Variants in GULP1 observed in about 807,000 individuals in gnomAD.
The protein encoded by GULP1 is GULP PTB domain containing engulfment adaptor 1, also known as PTB domain-containing engulfment adapter protein 1.
Under a neutral mutation model 40.9 loss-of-function variants are expected in GULP1, and 19 were observed. The ratio of observed to expected loss-of-function variants is 0.46; its 90% CI spans 0.32 to 0.68. The LOEUF is 0.68. GULP1 is among the 30% of genes least tolerant of loss of function. GULP1 has a pLI of 0.03. For synonymous variants in GULP1, 119 were observed against 117.6 expected, an observed-to-expected ratio of 1.01 and a Z score of -0.08; for missense variants, 312 against 362.2, an observed-to-expected ratio of 0.86 and a Z score of 1.12.
chr2:188,395,900 A>T (rs980449264), intron 2 of GULP1, among the ~76,000 whole-genome samples: 5 of 152,124 alleles, frequency 3.3e-5, no homozygotes, highest in African/African-American at 1.2e-4. Context: ...AGATTTATTG[A>T]TTATAAATAG....
At chr2:188,349,916 A>T (rs564923893) in intron 1 of GULP1, among the ~76,000 whole-genome samples, 3 of 152,176 alleles carry the variant, frequency 2.0e-5, no homozygotes, top group Admixed American at 6.5e-5. Flanking sequence ...CAACTTCATT[A>T]TTTTACATCT....
At chr2:188,471,301 C>T (rs1175309273) in intron 2 of GULP1, among the ~76,000 whole-genome samples, 1 of 151,882 alleles carries the variant, frequency 6.6e-6, no homozygotes. Flanking sequence ...CCACCGCCCA[C>T]CCGCCCCACC....
intron 2 of GULP1, among the ~76,000 whole-genome samples, chr2:188,475,944 G>A (rs1037003760): frequency 2.0e-5 from 3 of 152,142 alleles, no homozygotes; most frequent in African/African-American, 7.2e-5. Flanking sequence ...GGTATAATAT[G>A]TGTGGGAGAT....
intron 1 of GULP1, among the ~76,000 whole-genome samples, chr2:188,343,830 G>A (rs1470768949): frequency 9.2e-5 from 14 of 151,884 alleles, no homozygotes; most frequent in Non-Finnish European, 1.2e-4. Flanking sequence ...ACAGAGTCTC[G>A]TTCTGTCACC....
At chr2:188,526,351 C>T (rs1686154833) in intron 5 of GULP1, among the ~76,000 whole-genome samples, 1 of 151,934 alleles carries the variant, frequency 6.6e-6, no homozygotes, top group African/African-American at 2.4e-5. Context: ...TCACTGTATC[C>T]ATCTAGATCT....
chr2:188,430,488 G>A (rs908735670), intron 2 of GULP1, among the ~76,000 whole-genome samples: 7 of 152,180 alleles, frequency 4.6e-5, no homozygotes, highest in Non-Finnish European at 8.8e-5. Flanking sequence ...CTATGTCATA[G>A]AGCCCTTAAG....
chr2:188,404,615 A>T (rs1486291010), intron 2 of GULP1, among the ~76,000 whole-genome samples: 1 of 152,206 alleles, frequency 6.6e-6, no homozygotes, highest in Non-Finnish European at 1.5e-5. Context: ...CCTCAGCCTC[A>T]GGCTTCAAGC....
intron 2 of GULP1, among the ~76,000 whole-genome samples, chr2:188,407,148 C>G (rs1261742022): frequency 6.6e-6 from 1 of 152,008 alleles, no homozygotes; most frequent in Non-Finnish European, 1.5e-5. Flanking sequence ...AATATTTTAC[C>G]TGGAAGAGCT....
intron 1 of GULP1, among the ~76,000 whole-genome samples, chr2:188,331,497 T>C (rs991442310): frequency 2.6e-5 from 4 of 152,238 alleles, no homozygotes; most frequent in South Asian, 4.1e-4. Context: ...TTAAGTTGAA[T>C]ATTCCAGAAC....
intron 4 of GULP1, among the ~76,000 whole-genome samples, chr2:188,486,521 A>G (rs1281429592): frequency 6.6e-6 from 1 of 151,994 alleles, no homozygotes; most frequent in Non-Finnish European, 1.5e-5. Flanking sequence ...GAAATATGTA[A>G]TAACATTTAT....
chr2:188,406,254 G>A (rs149294620), intron 2 of GULP1, among the ~76,000 whole-genome samples: 1 of 152,260 alleles, frequency 6.6e-6, no homozygotes, highest in African/African-American at 2.4e-5. Context: ...CTGACTATAT[G>A]CAGAATACTA....
intron 2 of GULP1, among the ~76,000 whole-genome samples, chr2:188,459,310 C>A (rs2059517459): frequency 6.6e-6 from 1 of 152,110 alleles, no homozygotes; most frequent in Admixed American, 6.5e-5. Context: ...ACACTTCCAC[C>A]AACAGTGTAT....
At chr2:188,333,431 A>T (rs1029307841) in intron 1 of GULP1, among the ~76,000 whole-genome samples, 1 of 152,062 alleles carries the variant, frequency 6.6e-6, no homozygotes, top group African/African-American at 2.4e-5. Context: ...AGTAAGAGGC[A>T]ATTGGTTTAG....
chr2:188,427,734 G>A (rs1474727984), intron 2 of GULP1, among the ~76,000 whole-genome samples: 1 of 152,226 alleles, frequency 6.6e-6, no homozygotes, highest in Non-Finnish European at 1.5e-5. Flanking sequence ...ACAGGCAGAA[G>A]CCTCCTGCAC....
intron 1 of GULP1, among the ~76,000 whole-genome samples, chr2:188,352,967 A>G (rs913898053): frequency 3.3e-5 from 5 of 152,140 alleles, no homozygotes; most frequent in African/African-American, 1.2e-4. Flanking sequence ...ACCATTAAAT[A>G]AAGTCATTTT....
intron 5 of GULP1, among the ~76,000 whole-genome samples, chr2:188,523,594 G>C (rs1176790921): frequency 2.0e-5 from 3 of 151,464 alleles, no homozygotes; most frequent in African/African-American, 7.3e-5. Context: ...ATTCTCTATA[G>C]TTGCTCTCGT....
At chr2:188,311,599 A>T (rs1412863071) in intron 1 of GULP1, among the ~76,000 whole-genome samples, 1 of 152,062 alleles carries the variant, frequency 6.6e-6, no homozygotes, top group Non-Finnish European at 1.5e-5. Context: ...CCTAGAAATA[A>T]ATATGAGTAG....
intron 1 of GULP1, among the ~76,000 whole-genome samples, chr2:188,322,872 T>C (rs2040190302): frequency 6.6e-6 from 1 of 152,122 alleles, no homozygotes; most frequent in Non-Finnish European, 1.5e-5. Flanking sequence ...TCACTCTTGT[T>C]CATGGCAGCC....
intron 2 of GULP1, among the ~76,000 whole-genome samples, chr2:188,428,674 C>A (rs1055440536): frequency 6.6e-6 from 1 of 152,114 alleles, no homozygotes; most frequent in Non-Finnish European, 1.5e-5. Flanking sequence ...GAGGCCTCCC[C>A]TGAAGCCAAG....
Sources: allele counts gnomAD v4.1 joint callset (sites outside exome capture counted in the v4.1 genomes callset), GRCh38; gene constraint gnomAD v4.1.1; transcripts MANE v1.5; gene names NCBI Gene and HGNC (gene_info 2026-07-23, HGNC 2026-07-21).